IFIH1: variants seen among roughly 807,000 people sequenced by gnomAD.
IFIH1 encodes the protein interferon induced with helicase C domain 1, also known as interferon-induced helicase C domain-containing protein 1.
Under a neutral mutation model 107.4 loss-of-function variants are expected in IFIH1, and 125 were observed. The ratio of observed to expected loss-of-function variants is 1.16; its 90% CI spans 1.01 to 1.35. The LOEUF (loss-of-function observed/expected upper bound fraction) is 1.35, where lower values mean the gene tolerates loss of function less well. Among genes scored for constraint, IFIH1 ranks in the 40% most tolerant of loss-of-function variants. IFIH1 has a pLI of 0.00. For missense variants in IFIH1, 1,333 were observed against 1,213.7 expected (o/e 1.10, Z -1.46); for synonymous variants, 458 against 413.2 (o/e 1.11, Z -1.31).
chr2:162,281,411 G>A lies in IFIH1; in HGVS notation c.1441C>T (p.Leu481Phe). Residue 481 changes from leucine to phenylalanine, a missense_variant, in exon 7 of 16, where the codon CTT (leucine) becomes TTT (phenylalanine). Coordinates refer to ENST00000649979, the MANE Select transcript of IFIH1 (RefSeq NM_022168.4). The stretch of plus-strand genomic sequence containing the variant: ...GCTGTTAGTCCCAGTATCTGAGGAA[G>A]GGGAATCACTGGTTTGTTTTCTTTC... ...LKKENKPVIP[L>F]PQILGLTASP... 6.2e-7 allele frequency: 1 copy of A among 1,612,812 alleles called. No homozygotes were observed. The highest frequency in any genetic ancestry group is 8.5e-7 in the Non-Finnish European group (1 of 1,179,196).
At chr2:162,277,792 T>A in intron 9 of IFIH1, 99 bp from the exon 10 acceptor site, 1 of 1,397,892 alleles carries the variant, frequency 7.2e-7, no homozygotes, top group Non-Finnish European at 9.5e-7. Flanking sequence ...CAAAACTGGC[T>A]TCACCTTGGT....
rs1378202128 is a variant in IFIH1, at chr2:162,317,978, A to G, written c.330T>C (p.Ala110=). Residue 110 remains alanine (A), a synonymous_variant, in exon 1 of 16, where the codon GCT becomes GCC. Transcript: ENST00000649979. ...TCAGCAGTTGGAGATATTCATCATG[A>G]GCGTTCTCAAACGATGGAGAGGGCA... ...TDLPSPSFEN[A]HDEYLQLLNL... The G allele has an allele frequency of 1.9e-6, 3 of 1,614,182 alleles. No homozygotes were observed. In the Middle Eastern group the frequency reaches 5.0e-4, roughly 266 times the overall value.
intron 9 of IFIH1, 43 bp downstream of exon 9, chr2:162,278,162 T>C: frequency 6.5e-7 from 1 of 1,547,150 alleles, no homozygotes. Context: ...AATCTTGGTA[T>C]AAACATGGGA....
chr2:162,288,114 T>C, intron 5 of IFIH1, 21 bp downstream of exon 5: 1 of 1,445,244 alleles, frequency 6.9e-7, no homozygotes, highest in Non-Finnish European at 9.7e-7. Flanking sequence ...GATCAACTAG[T>C]GTTATGTGTT....
At chr2:162,293,725 T>A in intron 3 of IFIH1, 57 bp from the exon 4 acceptor site, 1 of 1,092,130 alleles carries the variant, frequency 9.2e-7, no homozygotes, top group Non-Finnish European at 1.4e-6. Context: ...TAAACGTATT[T>A]TAACTGCACA....
At chr2:162,312,347 T>C (rs923769952) in intron 1 of IFIH1, among the ~76,000 whole-genome samples, 1 of 152,046 alleles carries the variant, frequency 6.6e-6, no homozygotes, top group Non-Finnish European at 1.5e-5. Context: ...CTAGGGAACT[T>C]GAATATATTA....
At position 162,277,568 on chromosome 2, in the gene IFIH1, T is replaced by C; in HGVS notation, c.1891A>G (p.Asn631Asp). The stretch of plus-strand genomic sequence containing the variant: ...GCAAACTTCTTATCTTTCTCTTCAT[T>C]ATAGAAAGTTTCAAGATGAGTATAC... ...DAYTHLETFY[N>D]EEKDKKFAVI... Residue 631 changes from asparagine to aspartate, a missense_variant, in exon 10 of 16, where the codon AAT (asparagine) becomes GAT (aspartate). Coordinates refer to ENST00000649979, the MANE Select transcript of IFIH1 (RefSeq NM_022168.4). The C allele has an allele frequency of 6.2e-7, 1 of 1,606,158 alleles. No homozygotes were observed. The highest frequency in any genetic ancestry group is 2.2e-5 in the East Asian group (1 of 44,796).
chr2:162,272,237 A>G lies in IFIH1; in HGVS notation c.2605T>C (p.Tyr869His). ...GTGACCAACAATACCTTATGAGCAT[A>G]CTCCTCTGGTTTCATATTTTGAACA... is the stretch of plus-strand genomic sequence containing the variant. ...HCVQNMKPEE[Y>H]AHKILELQMQ... Residue 869 changes from tyrosine to histidine, a missense_variant, in exon 13 of 16, where the codon TAT (tyrosine) becomes CAT (histidine). Tyr to His is a moderately conservative substitution (Grantham distance 83, BLOSUM62 2). Transcript: ENST00000649979. 1 of 1,611,234 alleles carries G rather than the reference A, an allele frequency of 6.2e-7. No individual in the cohort carries two copies. The highest frequency in any genetic ancestry group is 8.5e-7 in the Non-Finnish European group (1 of 1,178,492).
chr2:162,318,138 T>C lies in IFIH1; in HGVS notation c.170A>G (p.Gln57Arg). 1 of 1,614,194 alleles carries C rather than the reference T, an allele frequency of 6.2e-7. No homozygotes were observed. Among genetic ancestry groups the C allele is most frequent in the South Asian group, 1.1e-5 (1 of 91,088 alleles). Residue 57 changes from glutamine to arginine, a missense_variant, in exon 1 of 16, where the codon CAG becomes CGG. Physicochemically the swap from Gln to Arg is conservative, Grantham distance 43. Transcript: ENST00000649979. ...GGTGCTCAGCAGCAGTTCAACTGCC[T>C]GCATGTTCCCGGAGGTGGCGACTGT... The part of the protein sequence containing the change: ...QRTVATSGNM[Q>R]AVELLLSTLE...
chr2:162,316,201 G>A (rs1054351845), intron 1 of IFIH1, among the ~76,000 whole-genome samples: 1 of 152,250 alleles, frequency 6.6e-6, no homozygotes, highest in Admixed American at 6.5e-5. Flanking sequence ...GCTGGCAATC[G>A]GGACATCATA....
Position 162,277,418 on chromosome 2 carries a change from A to G in IFIH1, c.2041T>C (p.Phe681Leu), listed in dbSNP as rs1354803249. 2.5e-6 allele frequency: 4 copies of G among 1,606,304 alleles called. No homozygotes were observed. The South Asian group carries it at 4.4e-5, about 18-fold the overall frequency. ...TATATGTTACTTTGAATCTTACCAA[A>G]AAATAAAGTCATGAGAAATCTATCT... Reference protein sequence around the residue: ...ETDRFLMTLFFENNKMLKRLA... With the variant: ...ETDRFLMTLFLENNKMLKRLA... Residue 681 changes from phenylalanine (F) to leucine (L), a missense_variant, in exon 10 of 16, where the codon TTT (phenylalanine) becomes CTT (leucine). Transcript: ENST00000649979.
rs1683560539 is a variant in IFIH1, at chr2:162,318,484, A to C, written c.-177T>G. The C allele has an allele frequency of 7.2e-6, 4 of 558,084 alleles. No homozygotes were observed. The South Asian group carries it at 9.0e-5, about 13-fold the overall frequency. The allele number at this position is 558,084 out of a possible 1,614,324, so 34.6% of individuals were successfully genotyped here. ...CTCTCAGGCCGGCGCGCGGGGCTGCACTCGCACCTGGGCAGGTGGGCAGGC... is the reference window on the plus strand; with the variant it reads ...CTCTCAGGCCGGCGCGCGGGGCTGCCCTCGCACCTGGGCAGGTGGGCAGGC... On this transcript the variant is annotated 5_prime_UTR_variant, in exon 1 of 16. Transcript: ENST00000649979.
At chr2:162,299,545 G>T (rs1002917489) in intron 3 of IFIH1, among the ~76,000 whole-genome samples, 2 of 152,080 alleles carry the variant, frequency 1.3e-5, no homozygotes, top group Non-Finnish European at 2.9e-5. Flanking sequence ...ATGATGTCCT[G>T]TGTGGAGCTG....
At chr2:162,274,751 T>C (rs1263512011) in intron 11 of IFIH1, among the ~76,000 whole-genome samples, 1 of 152,130 alleles carries the variant, frequency 6.6e-6, no homozygotes, top group African/African-American at 2.4e-5. Context: ...GACAATGTGG[T>C]TTTATTTTCA....
intron 13 of IFIH1, among the ~76,000 whole-genome samples, chr2:162,268,766 T>A (rs966688701): frequency 3.5e-4 from 53 of 152,200 alleles, no homozygotes; most frequent in African/African-American, 1.2e-3. Context: ...ATTTTCATAT[T>A]TTTAGTAGAG....
intron 7 of IFIH1, among the ~76,000 whole-genome samples, chr2:162,280,671 A>T (rs7603431): frequency 0.09 from 13,651 of 152,044 alleles, 2,074 homozygotes; most frequent in African/African-American, 0.31. Context: ...TGGAGCCTAT[A>T]ATTGCATCTC....
At chr2:162,317,333 G>A (rs1683514470) in intron 1 of IFIH1, among the ~76,000 whole-genome samples, 1 of 152,078 alleles carries the variant, frequency 6.6e-6, no homozygotes, top group Non-Finnish European at 1.5e-5. Context: ...ACAGTAGCAG[G>A]CTTGATTTAG....
At chr2:162,314,396 C>T (rs56321295) in intron 1 of IFIH1, among the ~76,000 whole-genome samples, 19,599 of 65,042 alleles carry the variant, frequency 0.3, 4,019 homozygotes, top group South Asian at 0.4. Context: ...CCCTCCCTCC[C>T]TCCTTTCTTT....
chr2:162,313,198 C>T (rs551746868), intron 1 of IFIH1, among the ~76,000 whole-genome samples: 1 of 152,242 alleles, frequency 6.6e-6, no homozygotes, highest in South Asian at 2.1e-4. Flanking sequence ...CATCAGCTCC[C>T]TTTGAAGCAA....
Sources: gnomAD v4.1 joint callset for allele counts (sites outside exome capture counted in the v4.1 genomes callset) on GRCh38, gnomAD v4.1.1 for gene constraint, MANE v1.5 for transcripts, NCBI Gene and HGNC (gene_info 2026-07-23, HGNC 2026-07-21) for gene names.